Variants in NCOA2 observed in about 807,000 individuals in gnomAD.
NCOA2 encodes the protein nuclear receptor coactivator 2.
NCOA2 carries 21 observed loss-of-function variants against 145.1 expected under a neutral mutation model. The ratio of observed to expected loss-of-function variants is 0.14; its 90% CI spans 0.10 to 0.21. NCOA2 has a LOEUF of 0.21. Ranked by LOEUF, NCOA2 falls within the 10% of genes least tolerant of loss-of-function variation. NCOA2 has a pLI of 1.00. For missense variants in NCOA2, 1,472 were observed against 1,837.6 expected (o/e 0.80, Z 3.64); for synonymous variants, 619 against 637.5 (o/e 0.97, Z 0.44).
intron 2 of NCOA2, among the ~76,000 whole-genome samples, chr8:70,291,611 A>G (rs1375533022): frequency 6.6e-6 from 1 of 152,208 alleles, no homozygotes; most frequent in East Asian, 1.9e-4. Context: ...ATGCAGAATG[A>G]AGATTGCCTG....
At chr8:70,205,866 G>T (rs185824227) in intron 4 of NCOA2, among the ~76,000 whole-genome samples, 336 of 152,290 alleles carry the variant, frequency 2.2e-3, no homozygotes, top group Non-Finnish European at 3.6e-3. Flanking sequence ...CCTCAAGGAG[G>T]ATCTTAAGGA....
intron 19 of NCOA2, among the ~76,000 whole-genome samples, 189 bp from the exon 20 acceptor site, chr8:70,125,054 A>C (rs1458294098): frequency 6.6e-6 from 1 of 152,186 alleles, no homozygotes; most frequent in Admixed American, 6.5e-5. Flanking sequence ...GAGAAAATAA[A>C]ATCTCCATAC....
At chr8:70,383,137 C>T (rs1812360913) in intron 1 of NCOA2, among the ~76,000 whole-genome samples, 2 of 152,202 alleles carry the variant, frequency 1.3e-5, no homozygotes, top group African/African-American at 4.8e-5. Context: ...TTCGTGCACA[C>T]AGGTACGCGC....
intron 2 of NCOA2, among the ~76,000 whole-genome samples, chr8:70,261,016 A>G (rs1390825939): frequency 6.6e-6 from 1 of 152,230 alleles, no homozygotes; most frequent in East Asian, 1.9e-4. Context: ...ACTGTAAACT[A>G]GTTCAACCAT....
chr8:70,249,851 C>A (rs527587074), intron 2 of NCOA2, among the ~76,000 whole-genome samples: 1 of 150,790 alleles, frequency 6.6e-6, no homozygotes, highest in South Asian at 2.1e-4. Context: ...GTAGTCCCAG[C>A]TACTCGGAGG....
intron 4 of NCOA2, among the ~76,000 whole-genome samples, chr8:70,198,258 A>T (rs1817547597): frequency 6.6e-6 from 1 of 152,246 alleles, no homozygotes; most frequent in Admixed American, 6.5e-5. Flanking sequence ...TTTTCAGTTT[A>T]AACTACACTA....
intron 1 of NCOA2, among the ~76,000 whole-genome samples, chr8:70,366,665 C>T (rs1448941291): frequency 6.6e-6 from 1 of 150,848 alleles, no homozygotes; most frequent in African/African-American, 2.4e-5. Context: ...TATCCATTGC[C>T]GGCATAAGTT....
At chr8:70,195,082 T>G (rs1563601109) in intron 4 of NCOA2, among the ~76,000 whole-genome samples, 1 of 152,162 alleles carries the variant, frequency 6.6e-6, no homozygotes, top group Non-Finnish European at 1.5e-5. Context: ...CAGGGAGTGT[T>G]GCAAGGCTGA....
In NCOA2 at chr8:70,174,778, G is replaced by A. The variant is rs1200478671; in HGVS notation, c.341C>T (p.Ala114Val). 3.1e-6 allele frequency: 5 copies of A among 1,613,420 alleles called. No homozygotes were observed. The highest frequency in any genetic ancestry group is 4.2e-6 in the Non-Finnish European group (5 of 1,179,598). ...STGQGVIDKD[A>V]LGPMMLEALD... ...TACCTCAAGCATCATAGGCCCCAGCGCATCCTTGTCGATGACACCCTGCCC... is the reference window on the plus strand; with the variant it reads ...TACCTCAAGCATCATAGGCCCCAGCACATCCTTGTCGATGACACCCTGCCC... Residue 114 changes from alanine to valine, a missense_variant, in exon 5 of 23, where the codon GCG becomes GTG. Transcript: ENST00000452400.
intron 16 of NCOA2, among the ~76,000 whole-genome samples, chr8:70,130,741 T>A (rs1230315704): frequency 6.6e-6 from 1 of 152,226 alleles, no homozygotes; most frequent in Non-Finnish European, 1.5e-5. Flanking sequence ...ACACATCATA[T>A]GGCCAAGAAG....
At chr8:70,362,311 T>C (rs1295498868) in intron 1 of NCOA2, among the ~76,000 whole-genome samples, 3 of 152,132 alleles carry the variant, frequency 2.0e-5, no homozygotes, top group Admixed American at 1.3e-4. Context: ...TAAAACCTTT[T>C]TTCATATAGT....
At chr8:70,185,979 T>G (rs554112136) in intron 4 of NCOA2, among the ~76,000 whole-genome samples, 1 of 149,952 alleles carries the variant, frequency 6.7e-6, no homozygotes, top group African/African-American at 2.4e-5. Flanking sequence ...TTCACAGGAT[T>G]TTTTTTTTTA....
intron 1 of NCOA2, chr8:70,402,170 C>G (rs1563851050): frequency 6.6e-6 from 1 of 152,518 alleles, no homozygotes; most frequent in Non-Finnish European, 1.5e-5. Context: ...CACCGACACC[C>G]GGCAGGTCAG....
In NCOA2 at chr8:70,157,174, T is replaced by C. The variant is rs773978054; in HGVS notation, c.1191A>G (p.Pro397=). The change falls in exon 11 of 23, where the codon CCA becomes CCG. Residue 397 remains proline, a synonymous_variant. Transcript: ENST00000452400. ...TGQTMGKPLN[P]ISSNSPAHQA... ...GATGGGCAGGGCTGTTAGAGCTAAT[T>C]GGATTCAGTGGCTTCCCCATCGTTT... The C allele has an allele frequency of 6.3e-7, 1 of 1,599,922 alleles. No individual in the cohort carries two copies. Among genetic ancestry groups the C allele is most frequent in the Non-Finnish European group, 8.5e-7 (1 of 1,170,678 alleles).
chr8:70,297,735 G>A (rs1004114232), intron 1 of NCOA2, among the ~76,000 whole-genome samples: 3 of 152,208 alleles, frequency 2.0e-5, no homozygotes, highest in African/African-American at 7.2e-5. Context: ...TTTCAATAAT[G>A]AGGGCAACTG....
intron 3 of NCOA2, among the ~76,000 whole-genome samples, chr8:70,215,289 A>T (rs1219636883): frequency 6.6e-6 from 1 of 152,150 alleles, no homozygotes; most frequent in African/African-American, 2.4e-5. Context: ...ATAGGTGAGA[A>T]AGGGGAGTTG....
chr8:70,165,966 C>T (rs963647122), intron 7 of NCOA2, among the ~76,000 whole-genome samples: 1 of 152,138 alleles, frequency 6.6e-6, no homozygotes. Context: ...ACTACAGGCA[C>T]ATGCCAGCCA....
Position 70,157,044 on chromosome 8 carries a change from A to C in NCOA2, c.1321T>G (p.Phe441Val), listed in dbSNP as rs978969933. Reference protein sequence around the residue: ...KEQMGMPMGRFGGSGGMNHVS... With the variant: ...KEQMGMPMGRVGGSGGMNHVS... The stretch of plus-strand genomic sequence containing the variant: ...TGGTTCATTCCCCCAGAACCACCAA[A>C]CCTGCCCATGGGCATGCCCATTTGT... The change falls in exon 11 of 23, where the codon TTT becomes GTT. Residue 441 changes from phenylalanine (F) to valine (V), a missense_variant. Phe to Val is a conservative substitution (Grantham distance 50, BLOSUM62 -1). Transcript: ENST00000452400. The C allele has an allele frequency of 6.2e-7, 1 of 1,613,852 alleles. No individual in the cohort carries two copies. Among genetic ancestry groups the C allele is most frequent in the African/African-American group, 1.3e-5 (1 of 74,894 alleles).
intron 4 of NCOA2, among the ~76,000 whole-genome samples, chr8:70,191,950 G>T (rs1462945315): frequency 1.3e-5 from 2 of 152,310 alleles, no homozygotes; most frequent in African/African-American, 4.8e-5. Flanking sequence ...GCTGAGGCAG[G>T]AGAACCGCTT....
Sources: allele counts gnomAD v4.1 joint callset (sites outside exome capture counted in the v4.1 genomes callset), GRCh38; gene constraint gnomAD v4.1.1; transcripts MANE v1.5; gene names NCBI Gene and HGNC (gene_info 2026-07-23, HGNC 2026-07-21).